FOXP2: variants seen among roughly 807,000 people sequenced by gnomAD.
FOXP2 encodes the protein forkhead box protein P2.
A neutral mutation model predicts 115.8 loss-of-function variants in FOXP2; 12 were observed. The ratio of observed to expected loss-of-function variants is 0.10; its 90% confidence interval spans 0.07 to 0.17. The LOEUF (loss-of-function observed/expected upper bound fraction) is 0.17. FOXP2 is among the 10% of genes least tolerant of loss of function. The probability of loss-of-function intolerance (pLI) is 1.00; values close to 1 mark genes in which losing one functional copy is unlikely to be tolerated. For missense variants in FOXP2, 629 were observed against 843.5 expected (o/e 0.75, Z 3.15); for synonymous variants, 328 against 297.7 (o/e 1.10, Z -1.05).
intron 2 of FOXP2, among the ~76,000 whole-genome samples, chr7:114,319,381 G>C (rs563452731): frequency 7.2e-5 from 11 of 152,282 alleles, no homozygotes; most frequent in African/African-American, 2.6e-4. Flanking sequence ...GACTCTCTTT[G>C]TATTACAGTA....
At chr7:114,215,831 A>T (rs1015381389) in intron 1 of FOXP2, among the ~76,000 whole-genome samples, 1 of 152,136 alleles carries the variant, frequency 6.6e-6, no homozygotes, top group Non-Finnish European at 1.5e-5. Flanking sequence ...GCAATTTCCC[A>T]TCCAAAATTT....
rs1005811280 is a variant in FOXP2 at position 114,387,675 on chromosome 7, G to A, written c.-10-38827G>A. ...CTTTTGATGGGAAGAACAGAAAAAG[G>A]GTATAAACATTGTAGAATTTATGAA... On this transcript the variant is annotated intron_variant, in intron 2 of 17. Transcript: ENST00000634411. 1.3e-4 allele frequency among the ~76,000 whole-genome samples: 19 copies of A among 151,390 alleles called. No homozygotes were observed. The South Asian group carries it at 1.7e-3, about 13-fold the overall frequency.
At chr7:114,496,736 A>T (rs1422465571) in intron 2 of FOXP2, among the ~76,000 whole-genome samples, 4 of 152,178 alleles carry the variant, frequency 2.6e-5, no homozygotes, top group Non-Finnish European at 5.9e-5. Context: ...TAAAAGAAAT[A>T]TATTATTGAA....
intron 16 of FOXP2, among the ~76,000 whole-genome samples, chr7:114,675,046 C>A (rs1807685499): frequency 6.6e-6 from 1 of 151,612 alleles, no homozygotes; most frequent in Admixed American, 6.6e-5. Flanking sequence ...AAAACATTGC[C>A]CAAGTGGAGA....
intron 2 of FOXP2, among the ~76,000 whole-genome samples, chr7:114,447,716 A>G (rs895055020): frequency 1.3e-5 from 2 of 152,126 alleles, no homozygotes; most frequent in African/African-American, 4.8e-5. Context: ...GGGAGTCTCT[A>G]TCTACCTACC....
intron 1 of FOXP2, among the ~76,000 whole-genome samples, chr7:114,422,867 A>T (rs1034543173): frequency 6.6e-6 from 1 of 151,764 alleles, no homozygotes. Context: ...AATAAAACCA[A>T]CAAGTCTAGC....
At chr7:114,348,220 A>T (rs1791394244) in intron 2 of FOXP2, among the ~76,000 whole-genome samples, 1 of 152,118 alleles carries the variant, frequency 6.6e-6, no homozygotes, top group African/African-American at 2.4e-5. Flanking sequence ...ATAATAGATT[A>T]GATCTTAATA....
intron 3 of FOXP2, among the ~76,000 whole-genome samples, chr7:114,577,534 T>A (rs894653250): frequency 6.6e-6 from 1 of 151,998 alleles, no homozygotes; most frequent in African/African-American, 2.4e-5. Context: ...ATTGAACTTT[T>A]AAAATACTTA....
chr7:114,483,821 A>T (rs971574823), intron 2 of FOXP2, among the ~76,000 whole-genome samples: 1 of 151,822 alleles, frequency 6.6e-6, no homozygotes, highest in Admixed American at 6.6e-5. Context: ...TATGATTATA[A>T]TAAATGGGAC....
chr7:114,242,171 A>G (rs899197663), intron 1 of FOXP2, among the ~76,000 whole-genome samples: 2 of 151,764 alleles, frequency 1.3e-5, no homozygotes, highest in Admixed American at 1.3e-4. Flanking sequence ...AAAGGAGATA[A>G]TTTGAAAAAT....
intron 2 of FOXP2, among the ~76,000 whole-genome samples, chr7:114,449,807 C>T (rs1794993741): frequency 6.6e-6 from 1 of 152,000 alleles, no homozygotes; most frequent in Non-Finnish European, 1.5e-5. Context: ...ACCTGTATTC[C>T]ATTAAGTCTG....
chr7:114,251,424 C>T (rs914165530), intron 1 of FOXP2, among the ~76,000 whole-genome samples: 2 of 152,144 alleles, frequency 1.3e-5, no homozygotes, highest in Admixed American at 6.5e-5. Context: ...TCTTCCTATC[C>T]ATGAACATGG....
chr7:114,401,989 G>A (rs763815752), intron 2 of FOXP2, among the ~76,000 whole-genome samples: 6 of 152,122 alleles, frequency 3.9e-5, no homozygotes, highest in Non-Finnish European at 8.8e-5. Context: ...AGGCATGGTG[G>A]CACATGCCTG....
In FOXP2 at chr7:114,642,620, A is replaced by G; in HGVS notation, c.986A>G (p.Asp329Gly). The G allele has an allele frequency of 6.2e-7, 1 of 1,612,072 alleles. No individual in the cohort carries two copies. Among genetic ancestry groups the G allele is most frequent in the African/African-American group, 1.3e-5 (1 of 74,886 alleles). ...TCTTCAGTTCTAAGTGCAAGACGAG[A>G]CAGGTAAATCTCATGAGCTTTATTC... ...GQSSVLSARR[D>G]SSSHEETGAS... Residue 329 changes from aspartate (D) to glycine (G), a missense_variant, in exon 7 of 17, where the codon GAC becomes GGC. Asp to Gly is a moderately conservative substitution (Grantham distance 94). Coordinates refer to ENST00000350908, the MANE Select transcript of FOXP2 (RefSeq NM_014491.4).
chr7:114,291,202 A>G (rs1796580420), intron 2 of FOXP2, among the ~76,000 whole-genome samples: 1 of 152,104 alleles, frequency 6.6e-6, no homozygotes, highest in Non-Finnish European at 1.5e-5. Flanking sequence ...GCCTTCTTTC[A>G]GGTTATAGAC....
chr7:114,567,397 G>C (rs1220847378), intron 3 of FOXP2, among the ~76,000 whole-genome samples: 1 of 152,042 alleles, frequency 6.6e-6, no homozygotes, highest in Non-Finnish European at 1.5e-5. Context: ...CCACTATTAA[G>C]TGTAAGATCT....
intron 1 of FOXP2, among the ~76,000 whole-genome samples, chr7:114,234,714 C>G (rs182290019): frequency 7.9e-5 from 12 of 152,208 alleles, no homozygotes; most frequent in African/African-American, 2.7e-4. Flanking sequence ...CAACTCTGCC[C>G]TTTATTCGTT....
intron 3 of FOXP2, among the ~76,000 whole-genome samples, chr7:114,605,856 C>A: frequency 6.6e-6 from 1 of 152,070 alleles, no homozygotes; most frequent in East Asian, 1.9e-4. Context: ...ATTGAGAGAG[C>A]TTTTTAGTAT....
rs535157983 is a variant in FOXP2, at chr7:114,690,265, G to C, written c.*339G>C. On this transcript the variant is annotated 3_prime_UTR_variant, in exon 17 of 17. Coordinates refer to ENST00000350908, the MANE Select transcript of FOXP2 (RefSeq NM_014491.4). Reference sequence around the variant, plus strand: ...GGTTCATGAAATGACTGAATATGAGGATACATGTCCTGTAGAAAGCAAATG... The same window carrying C: ...GGTTCATGAAATGACTGAATATGAGCATACATGTCCTGTAGAAAGCAAATG... The C allele has an allele frequency of 2.2e-6, 1 of 464,538 alleles. No individual in the cohort carries two copies. Among genetic ancestry groups the C allele is most frequent in the African/African-American group, 2.0e-5 (1 of 50,420 alleles). 28.8% of individuals were successfully genotyped at this position (464,538 alleles called of 1,614,324 possible).
Sources: allele counts gnomAD v4.1 joint callset (sites outside exome capture counted in the v4.1 genomes callset), GRCh38; gene constraint gnomAD v4.1.1; transcripts MANE v1.5; gene names NCBI Gene and HGNC (gene_info 2026-07-23, HGNC 2026-07-21).